GXYLT1: variants seen among roughly 807,000 people sequenced by gnomAD.
GXYLT1 encodes glycosyltransferase 8 domain containing 3.
A neutral mutation model predicts 54.0 loss-of-function variants in GXYLT1; 29 were observed. The observed-to-expected ratio is 0.54, with a 90% CI of 0.40 to 0.73. The LOEUF (loss-of-function observed/expected upper bound fraction) is 0.73. Ranked by LOEUF, GXYLT1 falls within the 30% of genes least tolerant of loss-of-function variation. The pLI, the probability that GXYLT1 is intolerant of heterozygous loss-of-function variation, is 0.00. For missense variants in GXYLT1, 490 were observed against 553.4 expected (o/e 0.89, Z 1.15); for synonymous variants, 176 against 204.1 (o/e 0.86, Z 1.17).
At chr12:42,111,659 C>T (rs552349618) in intron 3 of GXYLT1, among the ~76,000 whole-genome samples, 1 of 152,228 alleles carries the variant, frequency 6.6e-6, no homozygotes, top group Non-Finnish European at 1.5e-5. Flanking sequence ...GGGTGGAGCC[C>T]ACCACAGCTC....
At chr12:42,118,935 C>T (rs1379013447) in intron 3 of GXYLT1, 65 bp downstream of exon 3, 3 of 1,180,630 alleles carry the variant, frequency 2.5e-6, no homozygotes, top group Non-Finnish European at 3.6e-6. Flanking sequence ...ATTACAACAA[C>T]ATTCTATTAT....
At position 42,082,330 on chromosome 12, in the gene GXYLT1, T is replaced by C. The variant is rs2065258818; in HGVS notation, c.*5456A>G. ...TACTGATGACAATGCATGTGATGCA[T>C]GCGTGCTCTGCTAAGTTTTGAACAG... On this transcript the variant is annotated 3_prime_UTR_variant, in exon 8 of 8. Transcript: ENST00000398675. The C allele has an allele frequency of 6.6e-6, 1 of 152,242 alleles. No individual in the cohort carries two copies. 9.4% of individuals were successfully genotyped at this position (152,242 alleles called of 1,614,324 possible).
intron 1 of GXYLT1, among the ~76,000 whole-genome samples, chr12:42,137,568 C>A (rs893799786): frequency 2.1e-5 from 3 of 140,478 alleles, no homozygotes; most frequent in East Asian, 4.3e-4. Flanking sequence ...CTGGCTAACA[C>A]GGTGCGGTGA....
At chr12:42,134,013 A>G (rs1190026936) in intron 1 of GXYLT1, among the ~76,000 whole-genome samples, 1 of 152,044 alleles carries the variant, frequency 6.6e-6, no homozygotes, top group Admixed American at 6.6e-5. Flanking sequence ...CCTGGGCAAC[A>G]TGGCAAAACC....
intron 4 of GXYLT1, among the ~76,000 whole-genome samples, chr12:42,107,465 C>T (rs2065427838): frequency 6.6e-6 from 1 of 152,096 alleles, no homozygotes; most frequent in Non-Finnish European, 1.5e-5. Flanking sequence ...CTGAGGCGGG[C>T]AGATCACCTG....
rs2065273510 is a variant in GXYLT1, at chr12:42,084,334, T to TA, written c.*3451dup. On this transcript the variant is annotated 3_prime_UTR_variant, in exon 8 of 8. Transcript: ENST00000398675. ...TCTTTTCCTTCTTTTTTGATTTAGT[T>TA]ACATCATTCTTTTCTTCTCTACTTT... The TA allele has an allele frequency of 6.6e-6, 1 of 152,398 alleles. No homozygotes were observed. Among genetic ancestry groups the TA allele is most frequent in the Non-Finnish European group, 1.5e-5 (1 of 68,130 alleles). The allele number at this position is 152,398 out of a possible 1,614,324, so 9.4% of individuals were successfully genotyped here. A position where few individuals can be genotyped will look rare whatever the true frequency, so the allele number is the denominator to read the frequency against.
chr12:42,101,575 CTT>C (rs34135942), intron 5 of GXYLT1, among the ~76,000 whole-genome samples: 33 of 145,534 alleles, frequency 2.3e-4, no homozygotes, highest in African/African-American at 2.5e-4. Context: ...TTTCAAAATA[CTT>C]TTTTTTTTTT....
At chr12:42,104,898 G>GTA (rs1449326714) in intron 5 of GXYLT1, among the ~76,000 whole-genome samples, 1 of 152,150 alleles carries the variant, frequency 6.6e-6, no homozygotes, top group Non-Finnish European at 1.5e-5. Flanking sequence ...CTCCTAGAGG[G>GTA]TATAGTGTTT....
At chr12:42,092,409 T>C (rs1358570810) in intron 7 of GXYLT1, among the ~76,000 whole-genome samples, 6 of 152,208 alleles carry the variant, frequency 3.9e-5, no homozygotes, top group African/African-American at 1.4e-4. Flanking sequence ...TGGATAGTGA[T>C]ACAGCTTGTT....
chr12:42,131,800 G>C (rs1336609609), intron 1 of GXYLT1, among the ~76,000 whole-genome samples: 1 of 152,124 alleles, frequency 6.6e-6, no homozygotes, highest in East Asian at 1.9e-4. Context: ...AACTAACAGA[G>C]TTATTTTCAG....
intron 2 of GXYLT1, among the ~76,000 whole-genome samples, chr12:42,119,921 TTCC>T (rs1253486933): frequency 3.3e-5 from 5 of 152,164 alleles, no homozygotes; most frequent in Non-Finnish European, 7.3e-5. Flanking sequence ...CTCACCAATT[TTCC>T]TCCTTTCAAA....
intron 2 of GXYLT1, among the ~76,000 whole-genome samples, chr12:42,119,946 A>C (rs542671490): frequency 1.3e-5 from 2 of 152,344 alleles, no homozygotes; most frequent in South Asian, 4.1e-4. Flanking sequence ...TACAGAACAC[A>C]CAAAAAATGA....
At chr12:42,141,911 A>T (rs992417666) in intron 1 of GXYLT1, among the ~76,000 whole-genome samples, 2 of 152,192 alleles carry the variant, frequency 1.3e-5, no homozygotes, top group African/African-American at 4.8e-5. Flanking sequence ...TTCATTTTAA[A>T]GTTCTTACTT....
chr12:42,090,257 T>C (rs554973307), intron 7 of GXYLT1, among the ~76,000 whole-genome samples: 2 of 152,298 alleles, frequency 1.3e-5, no homozygotes, highest in South Asian at 4.1e-4. Flanking sequence ...TATATAAACA[T>C]AGCCTAAAGA....
chr12:42,120,621 C>A lies in GXYLT1; in HGVS notation c.315-1450G>T, dbSNP rs1180409153. 6.6e-5 allele frequency among the ~76,000 whole-genome samples: 10 copies of A among 152,278 alleles called. No individual in the cohort carries two copies. The South Asian group carries it at 2.1e-3, about 32-fold the overall frequency. On this transcript the variant is annotated intron_variant, in intron 2 of 7. Transcript: ENST00000398675. ...TCATAGCTCACTGCAGCCTCAACCT[C>A]CCAGGCTCAAGCCATCTTCCCATCT...
At chr12:42,143,649 A>G (rs2065663699) in intron 1 of GXYLT1, among the ~76,000 whole-genome samples, 1 of 152,242 alleles carries the variant, frequency 6.6e-6, no homozygotes, top group Admixed American at 6.5e-5. Context: ...GCAAACGCTC[A>G]GATTTCAAGC....
At chr12:42,113,721 G>A (rs1450463755) in intron 3 of GXYLT1, among the ~76,000 whole-genome samples, 2 of 150,842 alleles carry the variant, frequency 1.3e-5, no homozygotes, top group Admixed American at 6.6e-5. Context: ...ACAGATCAAC[G>A]AGACAGAAAG....
Position 42,144,606 on chromosome 12 carries a change from C to A in GXYLT1, c.41G>T (p.Cys14Phe). The A allele has an allele frequency of 6.8e-7, 1 of 1,477,654 alleles. No individual in the cohort carries two copies. 91.5% of individuals were successfully genotyped at this position (1,477,654 alleles called of 1,614,324 possible). Reference protein sequence around the residue: ...YLRVVVLCVACGFCSLLYAFS... With the variant: ...YLRVVVLCVAFGFCSLLYAFS... The stretch of plus-strand genomic sequence containing the variant: ...AGCGTAAAGGAGCGAGCAGAAGCCG[C>A]AGGCCACACACAGCACCACGACGCG... Residue 14 changes from cysteine to phenylalanine, a missense_variant, in exon 1 of 8, where the codon TGC becomes TTC. Physicochemically the swap from Cys to Phe is radical, Grantham distance 205. Transcript: ENST00000398675.
At chr12:42,129,695 G>C (rs1353170241) in intron 2 of GXYLT1, 64 bp downstream of exon 2, 2 of 934,722 alleles carry the variant, frequency 2.1e-6, no homozygotes, top group Non-Finnish European at 3.4e-6. Flanking sequence ...CTATTACAAA[G>C]GTTTTATTAT....
Sources: gnomAD v4.1 joint callset for allele counts (sites outside exome capture counted in the v4.1 genomes callset) on GRCh38, gnomAD v4.1.1 for gene constraint, MANE v1.5 for transcripts, NCBI Gene and HGNC (gene_info 2026-07-23, HGNC 2026-07-21) for gene names.